Variants in POGLUT2 observed in about 807,000 individuals in gnomAD.
POGLUT2 encodes the protein protein O-glucosyltransferase 2.
A neutral mutation model predicts 57.6 loss-of-function variants in POGLUT2; 47 were observed. That is an observed-to-expected ratio of 0.82 (90% confidence interval 0.65 to 1.04). The LOEUF is 1.04. Ranked by LOEUF, POGLUT2 falls within the 50% of genes least tolerant of loss-of-function variation. The pLI is 0.00. For synonymous variants in POGLUT2, 200 were observed against 218.8 expected, an observed-to-expected ratio of 0.91 and a Z score of 0.76; for missense variants, 565 against 614.8, an observed-to-expected ratio of 0.92 and a Z score of 0.86.
intron 4 of POGLUT2, chr13:102,792,082 C>T (rs1045954373): frequency 6.1e-5 from 79 of 1,286,212 alleles, no homozygotes; most frequent in African/African-American, 2.6e-4. Context: ...AGAAGTATGA[C>T]GGTACTCTGA....
At chr13:102,796,776 G>A (rs1878413757) in intron 2 of POGLUT2, 28 bp downstream of exon 2, 1 of 1,155,998 alleles carries the variant, frequency 8.7e-7, no homozygotes, top group Non-Finnish European at 1.3e-6. Context: ...TTCAAATACT[G>A]CTGTTATAAA....
At chr13:102,786,382 T>C (rs1447351200) in intron 8 of POGLUT2, 43 bp from the exon 9 acceptor site, 2 of 1,220,324 alleles carry the variant, frequency 1.6e-6, no homozygotes, top group African/African-American at 1.5e-5. Flanking sequence ...TAAAACACTT[T>C]ATATCCACCC....
At chr13:102,796,305 A>AAAAT (rs1336501867) in intron 2 of POGLUT2, among the ~76,000 whole-genome samples, 20 of 116,854 alleles carry the variant, frequency 1.7e-4, no homozygotes, top group Non-Finnish European at 2.7e-4. Flanking sequence ...AAAAAAAAAA[A>AAAAT]AAAAAAATAA....
chr13:102,794,721 CT>C (rs1277765194), intron 2 of POGLUT2, among the ~76,000 whole-genome samples: 3 of 151,994 alleles, frequency 2.0e-5, no homozygotes, highest in Admixed American at 2.0e-4. Context: ...AATATTACAG[CT>C]CATTATTCCT....
intron 8 of POGLUT2, 40 bp downstream of exon 8, chr13:102,787,794 A>C (rs756349658): frequency 1.9e-6 from 2 of 1,080,872 alleles, no homozygotes; most frequent in Admixed American, 2.0e-5. Context: ...TAACATGTCT[A>C]CTTATAAGTT....
chr13:102,796,897 C>G lies in POGLUT2; in HGVS notation c.295G>C (p.Val99Leu). The G allele has an allele frequency of 6.2e-7, 1 of 1,610,942 alleles. No individual in the cohort carries two copies. Among genetic ancestry groups the G allele is most frequent in the Middle Eastern group, 1.7e-4 (1 of 6,046 alleles). Residue 99 changes from valine to leucine, a missense_variant, in exon 2 of 10, where the codon GTA becomes CTA. Transcript: ENST00000376004. ...TAGCTTGCATACATTCTGTATCTTACTATGAAGGACCCATCTTTTCGGTCT... is the reference window on the plus strand; with the variant it reads ...TAGCTTGCATACATTCTGTATCTTAGTATGAAGGACCCATCTTTTCGGTCT... Reference protein sequence around the residue: ...VLDRKDGSFIVRYRMYASYKN... With the variant: ...VLDRKDGSFILRYRMYASYKN...
At chr13:102,798,389 A>G (rs1025866239) in intron 1 of POGLUT2, 100 bp downstream of exon 1, 11 of 1,113,034 alleles carry the variant, frequency 9.9e-6, no homozygotes, top group Admixed American at 2.5e-5. Context: ...CTGGAATATA[A>G]ACTGCTGTGG....
chr13:102,787,172 G>A lies in POGLUT2; in HGVS notation c.1383+662C>T, dbSNP rs1457142768. Reference sequence around the variant, plus strand: ...AGTGATTCTCCTGCCTCAGCCTCCCGAATAGCTGGGATTATAGGTGTGCAC... The same window carrying A: ...AGTGATTCTCCTGCCTCAGCCTCCCAAATAGCTGGGATTATAGGTGTGCAC... On this transcript the variant is annotated intron_variant, in intron 8 of 9. Transcript: ENST00000376004. Among the ~76,000 whole-genome samples the A allele has an allele frequency of 4.6e-5, 7 of 151,526 alleles. No homozygotes were observed. In the East Asian group the frequency reaches 5.8e-4, roughly 13 times the overall value.
intron 1 of POGLUT2, among the ~76,000 whole-genome samples, 163 bp from the exon 2 acceptor site, chr13:102,797,172 T>C (rs752220864): frequency 6.6e-6 from 1 of 151,956 alleles, no homozygotes; most frequent in Non-Finnish European, 1.5e-5. Flanking sequence ...ATGAATATGA[T>C]GGATCAGAGA....
Position 102,796,890 on chromosome 13 carries a change from T to C in POGLUT2, c.302A>G (p.Tyr101Cys), listed in dbSNP as rs767206785. 6.2e-7 allele frequency: 1 copy of C among 1,611,472 alleles called. No homozygotes were observed. Among genetic ancestry groups the C allele is most frequent in the East Asian group, 2.2e-5 (1 of 44,832 alleles). The change falls in exon 2 of 10, where the codon TAC (tyrosine) becomes TGC (cysteine). Residue 101 changes from tyrosine (Y) to cysteine (C), a missense_variant. Tyr to Cys is a radical substitution (Grantham distance 194). Transcript: ENST00000376004. ...DRKDGSFIVRYRMYASYKNLK... is the reference protein window; with the variant it reads ...DRKDGSFIVRCRMYASYKNLK... The stretch of plus-strand genomic sequence containing the variant: ...ATTTTTGTAGCTTGCATACATTCTG[T>C]ATCTTACTATGAAGGACCCATCTTT...
At chr13:102,787,112 T>C (rs1877977460) in intron 8 of POGLUT2, among the ~76,000 whole-genome samples, 1 of 152,104 alleles carries the variant, frequency 6.6e-6, no homozygotes, top group African/African-American at 2.4e-5. Context: ...AGGGGTACGA[T>C]CTCGGCTCAC....
chr13:102,792,010 T>C (rs1380345191), intron 4 of POGLUT2: 5 of 1,289,646 alleles, frequency 3.9e-6, no homozygotes, highest in Non-Finnish European at 5.1e-6. Flanking sequence ...GAGAAGCATC[T>C]TGAGAAACCG....
intron 2 of POGLUT2, among the ~76,000 whole-genome samples, chr13:102,795,538 G>A (rs1878345396): frequency 6.6e-6 from 1 of 152,076 alleles, no homozygotes; most frequent in African/African-American, 2.4e-5. Context: ...ACTCCAGCCT[G>A]GGCAACAGAG....
Position 102,798,634 on chromosome 13 carries a change from C to G in POGLUT2, c.37G>C (p.Ala13Pro), listed in dbSNP as rs979972807. The G allele has an allele frequency of 1.2e-6, 2 of 1,608,692 alleles. No individual in the cohort carries two copies. Among genetic ancestry groups the G allele is most frequent in the Non-Finnish European group, 1.7e-6 (2 of 1,178,116 alleles). The change falls in exon 1 of 10, where the codon GCG (alanine) becomes CCG (proline). Residue 13 changes from alanine to proline, a missense_variant. Ala to Pro is a conservative substitution (Grantham distance 27). Coordinates refer to ENST00000376004, the MANE Select transcript of POGLUT2 (RefSeq NM_024089.3). Reference sequence around the variant, plus strand: ...GTCTCGGCGAGTGCTGGAACTGTCGCCAGAAAGAAGCAATAAAGTAGCAAA... The same window carrying G: ...GTCTCGGCGAGTGCTGGAACTGTCGGCAGAAAGAAGCAATAAAGTAGCAAA... ...GTLLLYCFFL[A>P]TVPALAETGG...
chr13:102,793,972 T>C (rs530536828), intron 2 of POGLUT2, among the ~76,000 whole-genome samples, 166 bp from the exon 3 acceptor site: 1 of 152,266 alleles, frequency 6.6e-6, no homozygotes, highest in African/African-American at 2.4e-5. Flanking sequence ...CAAGGTTGGC[T>C]CATGTCGGTA....
At chr13:102,787,806 C>T (rs765602550) in intron 8 of POGLUT2, 28 bp downstream of exon 8, 9 of 1,235,968 alleles carry the variant, frequency 7.3e-6, no homozygotes, top group South Asian at 4.3e-5. Flanking sequence ...TTATAAGTTA[C>T]GTGATGATTT....
intron 1 of POGLUT2, among the ~76,000 whole-genome samples, chr13:102,798,069 C>T (rs1014691372): frequency 2.6e-5 from 4 of 152,096 alleles, no homozygotes; most frequent in African/African-American, 7.2e-5. Context: ...CTTCATTTTT[C>T]TTTTTCAGTT....
chr13:102,790,822 G>A, intron 6 of POGLUT2, 79 bp downstream of exon 6: 2 of 940,780 alleles, frequency 2.1e-6, no homozygotes, highest in Admixed American at 2.0e-5. Flanking sequence ...AAATTTGCAG[G>A]CCTTAATTTC....
rs763621000 is a variant in POGLUT2, at chr13:102,786,298, C to T, written c.1425G>A (p.Glu475=). The change falls in exon 9 of 10, where the codon GAG becomes GAA. Residue 475 remains glutamate (E), a synonymous_variant. Transcript: ENST00000376004. ...TCTGTGGTTCTACCCTTTTCATGCC[C>T]TCTCGGATTTGGGGCTCACTCACTT... The part of the protein sequence containing the change: ...NLQVSEPQIR[E]GMKRVEPQTE... 2 of 1,613,990 alleles carry T rather than the reference C, an allele frequency of 1.2e-6. No homozygotes were observed. Among genetic ancestry groups the T allele is most frequent in the Non-Finnish European group, 1.7e-6 (2 of 1,179,824 alleles).
Sources: gnomAD v4.1 joint callset for allele counts (sites outside exome capture counted in the v4.1 genomes callset) on GRCh38, gnomAD v4.1.1 for gene constraint, MANE v1.5 for transcripts, NCBI Gene and HGNC (gene_info 2026-07-23, HGNC 2026-07-21) for gene names.